PPARGC1B: variants seen among roughly 807,000 people sequenced by gnomAD.
PPARGC1B encodes PPARG coactivator 1 beta, also known as peroxisome proliferator-activated receptor gamma coactivator 1-beta.
A neutral mutation model predicts 101.6 loss-of-function variants in PPARGC1B; 34 were observed. The ratio of observed to expected loss-of-function variants is 0.33; its 90% CI spans 0.25 to 0.45. The LOEUF (loss-of-function observed/expected upper bound fraction) is 0.45, where lower values mean the gene tolerates loss of function less well. Among genes scored for constraint, PPARGC1B ranks in the 20% least tolerant of loss-of-function variants. The probability of loss-of-function intolerance (pLI) is 1.00; values close to 1 mark genes in which losing one functional copy is unlikely to be tolerated. For synonymous variants in PPARGC1B, 548 were observed against 539.3 expected, an observed-to-expected ratio of 1.02 and a Z score of -0.22; for missense variants, 1,234 against 1,317.6, an observed-to-expected ratio of 0.94 and a Z score of 0.98.
At chr5:149,779,740 G>A (rs1282694507) in intron 1 of PPARGC1B, among the ~76,000 whole-genome samples, 1 of 152,206 alleles carries the variant, frequency 6.6e-6, no homozygotes, top group Non-Finnish European at 1.5e-5. Context: ...GGAGGCCACA[G>A]GTGTGCTGGG....
chr5:149,842,201 G>A, intron 9 of PPARGC1B, 55 bp from the exon 10 acceptor site: 3 of 1,598,088 alleles, frequency 1.9e-6, no homozygotes, highest in Non-Finnish European at 2.6e-6. Context: ...CTCCCAGAGG[G>A]GCCCCAGGAA....
intron 1 of PPARGC1B, among the ~76,000 whole-genome samples, chr5:149,755,297 G>C (rs1163341625): frequency 1.3e-5 from 2 of 151,524 alleles, no homozygotes; most frequent in Non-Finnish European, 2.9e-5. Context: ...GGTGCAAACA[G>C]CTCACTGCAG....
chr5:149,773,600 GGACA>G (rs1465510430), intron 1 of PPARGC1B, among the ~76,000 whole-genome samples: 1 of 152,256 alleles, frequency 6.6e-6, no homozygotes, highest in Non-Finnish European at 1.5e-5. Context: ...GTCAGGAGGA[GGACA>G]GACAGATGGA....
intron 2 of PPARGC1B, among the ~76,000 whole-genome samples, chr5:149,825,371 G>A (rs543364746): frequency 4.6e-5 from 7 of 152,388 alleles, no homozygotes; most frequent in Admixed American, 4.6e-4. Context: ...CGAGGTTGCT[G>A]TGAGGCCTCC....
chr5:149,762,588 G>A (rs981737923), intron 1 of PPARGC1B, among the ~76,000 whole-genome samples: 1 of 152,224 alleles, frequency 6.6e-6, no homozygotes, highest in East Asian at 1.9e-4. Flanking sequence ...CCTCATGGAA[G>A]GGATTTTAGA....
chr5:149,841,500 C>G (rs913839882), intron 9 of PPARGC1B, among the ~76,000 whole-genome samples: 1 of 152,168 alleles, frequency 6.6e-6, no homozygotes, highest in South Asian at 2.1e-4. Context: ...TGGAGCATCA[C>G]TGGCTATAAC....
At position 149,836,580 on chromosome 5, in the gene PPARGC1B, C is replaced by T. The variant is rs760158984; in HGVS notation, c.2125C>T (p.Leu709=). 5 of 1,613,850 alleles carry T rather than the reference C, an allele frequency of 3.1e-6. No individual in the cohort carries two copies. Among genetic ancestry groups the T allele is most frequent in the Non-Finnish European group, 4.2e-6 (5 of 1,180,040 alleles). The change falls in exon 8 of 12, where the codon CTG becomes TTG. Residue 709 remains leucine, a synonymous_variant. Transcript: ENST00000309241. ...AGAAGGCGTCCTGCAAAGGAAGGTG[C>T]TGAGGTCCTGGGAGCCGTCTGGGGT... The part of the protein sequence containing the change: ...RPEGVLQRKV[L]RSWEPSGVHL...
In PPARGC1B at chr5:149,846,165, A is replaced by G. The variant is rs1759547382; in HGVS notation, c.2971+251A>G. ...GAGAATCCAGCCTCCCACGGCCTCTAGGAAGATTCAGTCATGTGCACAGCC... is the reference window on the plus strand; with the variant it reads ...GAGAATCCAGCCTCCCACGGCCTCTGGGAAGATTCAGTCATGTGCACAGCC... On this transcript the variant is annotated intron_variant, in intron 11 of 11. Transcript: ENST00000309241. 3 of 594,198 alleles carry G rather than the reference A, an allele frequency of 5.0e-6. No individual in the cohort carries two copies. In the South Asian group the frequency reaches 6.5e-5, roughly 13 times the overall value. The allele number at this position is 594,198 out of a possible 1,614,324, so 36.8% of individuals were successfully genotyped here. A position where few individuals can be genotyped will look rare whatever the true frequency, so the allele number is the denominator to read the frequency against.
chr5:149,844,155 A>AT (rs1046772204), intron 10 of PPARGC1B, among the ~76,000 whole-genome samples: 2 of 152,218 alleles, frequency 1.3e-5, no homozygotes, highest in Admixed American at 1.3e-4. Context: ...GTTTTTGCCA[A>AT]TTTTTTTAAA....
intron 1 of PPARGC1B, among the ~76,000 whole-genome samples, chr5:149,755,759 T>C (rs1326252013): frequency 6.6e-6 from 1 of 151,864 alleles, no homozygotes; most frequent in African/African-American, 2.4e-5. Flanking sequence ...TTCTCTTGCC[T>C]CAGCCTCCCA....
At chr5:149,817,969 C>T (rs1166135282) in intron 1 of PPARGC1B, among the ~76,000 whole-genome samples, 1 of 152,358 alleles carries the variant, frequency 6.6e-6, no homozygotes, top group Middle Eastern at 3.4e-3. Context: ...AACCAATTAT[C>T]CATGTAGAAC....
chr5:149,764,001 T>C (rs1297143764), intron 1 of PPARGC1B, among the ~76,000 whole-genome samples: 2 of 152,180 alleles, frequency 1.3e-5, no homozygotes, highest in African/African-American at 4.8e-5. Flanking sequence ...TTTTCCCCTT[T>C]ATTGGTCATA....
intron 1 of PPARGC1B, among the ~76,000 whole-genome samples, chr5:149,778,731 C>A (rs2113215466): frequency 6.6e-6 from 1 of 152,288 alleles, no homozygotes. Context: ...CCTACCAGCA[C>A]CCCAGGCCAC....
At chr5:149,845,225 G>A (rs1348649356) in intron 10 of PPARGC1B, among the ~76,000 whole-genome samples, 1 of 152,242 alleles carries the variant, frequency 6.6e-6, no homozygotes, top group Non-Finnish European at 1.5e-5. Context: ...CCTACTAGGG[G>A]AGGTGAAGGC....
intron 1 of PPARGC1B, among the ~76,000 whole-genome samples, chr5:149,787,035 A>G (rs920130670): frequency 1.3e-5 from 2 of 152,204 alleles, no homozygotes; most frequent in Non-Finnish European, 2.9e-5. Flanking sequence ...AGTTAGATCC[A>G]GGAGCTCCAT....
intron 1 of PPARGC1B, among the ~76,000 whole-genome samples, chr5:149,752,344 G>T (rs1202658990): frequency 6.6e-6 from 1 of 152,210 alleles, no homozygotes; most frequent in Non-Finnish European, 1.5e-5. Flanking sequence ...TTGTGATTCA[G>T]ACTGCAGTCG....
chr5:149,799,558 A>T (rs1312440333), intron 1 of PPARGC1B, among the ~76,000 whole-genome samples: 1 of 152,144 alleles, frequency 6.6e-6, no homozygotes, highest in Non-Finnish European at 1.5e-5. Flanking sequence ...ATGTATGTGC[A>T]CTGGGGACAC....
intron 1 of PPARGC1B, among the ~76,000 whole-genome samples, chr5:149,780,339 G>C (rs1172686703): frequency 6.6e-6 from 1 of 152,204 alleles, no homozygotes; most frequent in South Asian, 2.1e-4. Context: ...ACCTTGAATT[G>C]GGTGCAGGAT....
intron 1 of PPARGC1B, among the ~76,000 whole-genome samples, chr5:149,787,819 TG>T (rs1361278325): frequency 6.6e-6 from 1 of 152,224 alleles, no homozygotes; most frequent in African/African-American, 2.4e-5. Flanking sequence ...TAGAAGATTT[TG>T]TCTGTACAAT....
Sources: gnomAD v4.1 joint callset for allele counts (sites outside exome capture counted in the v4.1 genomes callset) on GRCh38, gnomAD v4.1.1 for gene constraint, MANE v1.5 for transcripts, NCBI Gene and HGNC (gene_info 2026-07-23, HGNC 2026-07-21) for gene names.